EMC1: variants seen among roughly 807,000 people sequenced by gnomAD.
The protein encoded by EMC1 is KIAA0090.
Under a neutral mutation model 128.8 loss-of-function variants are expected in EMC1, and 103 were observed. The ratio of observed to expected loss-of-function variants is 0.80; its 90% CI spans 0.68 to 0.94. The LOEUF (loss-of-function observed/expected upper bound fraction) is 0.94, where lower values mean the gene tolerates loss of function less well. EMC1 is among the 40% of genes least tolerant of loss of function. The probability of loss-of-function intolerance (pLI) is 0.00; values close to 1 mark genes in which losing one functional copy is unlikely to be tolerated. For synonymous variants in EMC1, 442 were observed against 490.4 expected (o/e 0.90, Z 1.30); for missense variants, 1,083 against 1,250.6 (o/e 0.87, Z 2.02).
intron 17 of EMC1, 57 bp from the exon 18 acceptor site, chr1:19,227,507 C>T: frequency 1.2e-6 from 2 of 1,601,930 alleles, no homozygotes; most frequent in Middle Eastern, 1.7e-4. Context: ...ACTGAAACAG[C>T]TGGAGTTAGA....
intron 1 of EMC1, among the ~76,000 whole-genome samples, chr1:19,247,795 C>G (rs528988260): frequency 6.6e-6 from 1 of 152,066 alleles, no homozygotes; most frequent in Non-Finnish European, 1.5e-5. Context: ...GAGGCGGAGG[C>G]GAGCAGATCA....
Position 19,251,482 on chromosome 1 carries a change from A to G in EMC1, c.28T>C (p.Trp10Arg), listed in dbSNP as rs2093659205. 8 of 1,614,150 alleles carry G rather than the reference A, an allele frequency of 5.0e-6. No individual in the cohort carries two copies. The highest frequency in any genetic ancestry group is 6.8e-6 in the Non-Finnish European group (8 of 1,180,034). The part of the protein sequence containing the change: MAAEWASRF[W>R]LWATLLIPAA... ...GGAATCAGCAGCGTAGCCCAAAGCCAGAAACGAGAAGCCCACTCAGCCGCC... is the reference window on the plus strand; with the variant it reads ...GGAATCAGCAGCGTAGCCCAAAGCCGGAAACGAGAAGCCCACTCAGCCGCC... The change falls in exon 1 of 23, where the codon TGG (tryptophan) becomes CGG (arginine). Residue 10 changes from tryptophan (W) to arginine (R), a missense_variant. This residue lies in a region of EMC1 where 544 missense variants were observed against 572.4 expected (regional missense o/e 0.95). Coordinates refer to ENST00000477853, the MANE Select transcript of EMC1 (RefSeq NM_015047.3).
Position 19,220,865 on chromosome 1 carries a change from G to C in EMC1, c.2588-17C>G, listed in dbSNP as rs755865346. On this transcript the variant is annotated splice_polypyrimidine_tract_variant and intron_variant, in intron 20 of 22. Coordinates refer to ENST00000477853, the MANE Select transcript of EMC1 (RefSeq NM_015047.3). The stretch of plus-strand genomic sequence containing the variant: ...GTAGTCCAACTACACAGGAGGAAGT[G>C]AATGTTCACACCGATCCAGTGTCCA... The C allele has an allele frequency of 1.3e-6, 2 of 1,577,730 alleles. No individual in the cohort carries two copies. The highest frequency in any genetic ancestry group is 1.7e-6 in the Non-Finnish European group (2 of 1,148,510).
rs966181731 is a variant in EMC1 at position 19,218,616 on chromosome 1, A to G, written c.*687T>C. The G allele has an allele frequency of 5.3e-5, 8 of 152,128 alleles. No individual in the cohort carries two copies. Among genetic ancestry groups the G allele is most frequent in the Non-Finnish European group, 1.0e-4 (7 of 68,036 alleles). The allele number at this position is 152,128 out of a possible 1,614,324, so 9.4% of individuals were successfully genotyped here. A position where few individuals can be genotyped will look rare whatever the true frequency, so the allele number is the denominator to read the frequency against. On this transcript the variant is annotated 3_prime_UTR_variant, in exon 23 of 23. Coordinates refer to ENST00000477853, the MANE Select transcript of EMC1 (RefSeq NM_015047.3). ...GGCAATGGGCAACAAACAAGACGCT[A>G]GTATGCACTTGGCTTCTGATAAATT...
rs573898765 is a variant in EMC1, at chr1:19,249,345, A to AT, written c.95+2069dup. The stretch of plus-strand genomic sequence containing the variant: ...GTTAAGTGCCCTATACCAGTGTACC[A>AT]TTTTTTATCTTTCATATCCTATTTT... On this transcript the variant is annotated intron_variant, in intron 1 of 22. Transcript: ENST00000477853. 9.8e-4 allele frequency among the ~76,000 whole-genome samples: 149 copies of AT among 152,244 alleles called. 1 individual carries two copies. Among genetic ancestry groups the AT allele is most frequent in the African/African-American group, 3.5e-3 (146 of 41,544 alleles).
intron 6 of EMC1, 121 bp downstream of exon 6, chr1:19,240,895 T>C (rs1351924369): frequency 2.7e-6 from 3 of 1,131,286 alleles, no homozygotes; most frequent in Non-Finnish European, 3.8e-6. Context: ...GTGACCAGAA[T>C]GAGGGAGCAT....
chr1:19,235,817 C>T (rs12085437), intron 12 of EMC1, among the ~76,000 whole-genome samples: 10,285 of 152,084 alleles, frequency 0.068, 646 homozygotes, highest in African/African-American at 0.17. Flanking sequence ...CACTTGAGCC[C>T]GGGAGATTGA....
At position 19,241,084 on chromosome 1, in the gene EMC1, C is replaced by T. The variant is rs753052916; in HGVS notation, c.568G>A (p.Gly190Arg). Reference sequence around the variant, plus strand: ...TTCACATGGCTGAAGGGAACAACTCCGAGGGCCCACACCACCCCAGAGCCG... The same window carrying T: ...TTCACATGGCTGAAGGGAACAACTCTGAGGGCCCACACCACCCCAGAGCCG... The part of the protein sequence containing the change: ...SYGSGVVWAL[G>R]VVPFSHVNIV... Residue 190 changes from glycine (G) to arginine (R), a missense_variant, in exon 6 of 23, where the codon GGA (glycine) becomes AGA (arginine). By Grantham distance (125) the Gly-to-Arg change is moderately radical. Transcript: ENST00000477853. 7.4e-6 allele frequency: 12 copies of T among 1,614,018 alleles called. No homozygotes were observed. Among genetic ancestry groups the T allele is most frequent in the South Asian group, 4.4e-5 (4 of 91,082 alleles).
At chr1:19,235,305 T>C (rs1453845295) in intron 12 of EMC1, 53 bp from the exon 13 acceptor site, 6 of 1,573,640 alleles carry the variant, frequency 3.8e-6, no homozygotes, top group East Asian at 2.3e-5. Flanking sequence ...CAGTGGCTCA[T>C]GCCTGTAATC....
Position 19,232,670 on chromosome 1 carries a change from G to A in EMC1, c.1736C>T (p.Ala579Val). Reference sequence around the variant, plus strand: ...GCACTGTGGGGGATGGGGGAAATGAGCAGTAGTTCTCTGGACCATCAGTTT... The same window carrying A: ...GCACTGTGGGGGATGGGGGAAATGAACAGTAGTTCTCTGGACCATCAGTTT... ...SFKLMVQRTT[A>V]HFPHPPQCTL... The change falls in exon 15 of 23, where the codon GCT becomes GTT. Residue 579 changes from alanine (A) to valine (V), a missense_variant. Physicochemically the swap from Ala to Val is moderately conservative, Grantham distance 64. Transcript: ENST00000477853. The A allele has an allele frequency of 1.2e-6, 2 of 1,614,200 alleles. No individual in the cohort carries two copies. Among genetic ancestry groups the A allele is most frequent in the African/African-American group, 1.3e-5 (1 of 75,040 alleles).
At chr1:19,228,228 T>C (rs531463750) in intron 17 of EMC1, among the ~76,000 whole-genome samples, 42 of 141,850 alleles carry the variant, frequency 3.0e-4, no homozygotes, top group African/African-American at 1.0e-3. Context: ...AAAAAGATAA[T>C]AAAGCCAGTA....
chr1:19,240,529 C>A (rs1425953382), intron 6 of EMC1, 83 bp from the exon 7 acceptor site: 1 of 1,487,502 alleles, frequency 6.7e-7, no homozygotes. Context: ...TTGCTGCCAG[C>A]ATCCCACTGG....
At chr1:19,240,110 G>A in intron 7 of EMC1, 125 bp from the exon 8 acceptor site, 1 of 1,218,490 alleles carries the variant, frequency 8.2e-7, no homozygotes, top group Non-Finnish European at 1.1e-6. Context: ...GGCTCCAAAT[G>A]CTCCAGTTCA....
At chr1:19,246,031 G>A (rs1386052522) in intron 1 of EMC1, among the ~76,000 whole-genome samples, 2 of 150,302 alleles carry the variant, frequency 1.3e-5, no homozygotes, top group Admixed American at 1.3e-4. Flanking sequence ...CTTGAGCCCA[G>A]GAGGTCGAGG....
chr1:19,231,569 G>A, intron 15 of EMC1, 147 bp from the exon 16 acceptor site: 1 of 788,978 alleles, frequency 1.3e-6, no homozygotes, highest in Non-Finnish European at 2.0e-6. Context: ...TTGGCTGTAG[G>A]TGAATAGTCC....
chr1:19,219,503 G>C (rs746811083), intron 22 of EMC1, 21 bp from the exon 23 acceptor site: 1 of 1,613,792 alleles, frequency 6.2e-7, no homozygotes, highest in East Asian at 2.2e-5. Context: ...GATGGAATAA[G>C]AATTAGGAAA....
At chr1:19,245,595 A>G (rs556248972) in intron 1 of EMC1, among the ~76,000 whole-genome samples, 46 of 151,484 alleles carry the variant, frequency 3.0e-4, no homozygotes, top group African/African-American at 1.0e-3. Context: ...TTACCTTCAG[A>G]TAAGTGACAC....
intron 20 of EMC1, 69 bp downstream of exon 20, chr1:19,222,555 C>T: frequency 7.2e-7 from 1 of 1,382,574 alleles, no homozygotes; most frequent in East Asian, 2.3e-5. Flanking sequence ...GCAATGTGTC[C>T]CTTGCTCTGT....
intron 18 of EMC1, among the ~76,000 whole-genome samples, chr1:19,226,758 A>G (rs2093477293): frequency 6.6e-6 from 1 of 151,408 alleles, no homozygotes; most frequent in African/African-American, 2.4e-5. Context: ...GGGGTGGTAA[A>G]GACAAGGTTT....
Sources: gnomAD v4.1 joint callset for allele counts (sites outside exome capture counted in the v4.1 genomes callset) on GRCh38, gnomAD v4.1.1 for gene constraint, gnomAD v4.1.1 regional missense constraint, MANE v1.5 for transcripts, NCBI Gene and HGNC (gene_info 2026-07-23, HGNC 2026-07-21) for gene names.